The following SYCP1 variants were observed in gnomAD, a reference collection of about 807,000 sequenced individuals.
The protein encoded by SYCP1 is synaptonemal complex protein 1.
In SYCP1, 64 loss-of-function variants were observed where a neutral mutation model predicts 153.1. The ratio of observed to expected loss-of-function variants is 0.42; its 90% CI spans 0.34 to 0.51. SYCP1 has a LOEUF of 0.51. Among genes scored for constraint, SYCP1 ranks in the 20% least tolerant of loss-of-function variants. The pLI is 0.06. For missense variants in SYCP1, 997 were observed against 1,049.0 expected (o/e 0.95, Z 0.68); for synonymous variants, 384 against 341.8 (o/e 1.12, Z -1.36).
At chr1:114,929,455 A>G (rs1570792174) in intron 23 of SYCP1, among the ~76,000 whole-genome samples, 1 of 152,098 alleles carries the variant, frequency 6.6e-6, no homozygotes, top group South Asian at 2.1e-4. Flanking sequence ...ATTACAAGAG[A>G]TACATTGTAT....
At chr1:114,956,994 G>A (rs1218545732) in intron 27 of SYCP1, among the ~76,000 whole-genome samples, 1 of 147,634 alleles carries the variant, frequency 6.8e-6, no homozygotes, top group Non-Finnish European at 1.5e-5. Flanking sequence ...GCCAGAGACT[G>A]ACCCTAAATT....
intron 12 of SYCP1, 30 bp from the exon 13 acceptor site, chr1:114,885,505 G>A (rs374838260): frequency 7.0e-6 from 9 of 1,291,074 alleles, no homozygotes. Flanking sequence ...CTTCTGCTAA[G>A]TACTATCTAT....
At chr1:114,889,999 T>A (rs1273627067) in intron 15 of SYCP1, among the ~76,000 whole-genome samples, 1 of 152,160 alleles carries the variant, frequency 6.6e-6, no homozygotes, top group African/African-American at 2.4e-5. Context: ...AATATTGAAA[T>A]TAAGTGGCTA....
intron 27 of SYCP1, among the ~76,000 whole-genome samples, chr1:114,970,752 A>G (rs916670566): frequency 1.3e-5 from 2 of 152,130 alleles, no homozygotes; most frequent in Non-Finnish European, 2.9e-5. Flanking sequence ...GAAGAGTACT[A>G]TGATGTGATT....
chr1:114,917,511 G>A (rs530885086), intron 20 of SYCP1, among the ~76,000 whole-genome samples: 2 of 152,276 alleles, frequency 1.3e-5, no homozygotes, highest in East Asian at 3.9e-4. Flanking sequence ...ACACAGGAGT[G>A]GGATTGCTGG....
At chr1:114,886,374 A>C (rs1253589257) in intron 14 of SYCP1, 65 bp downstream of exon 14, 9 of 1,351,542 alleles carry the variant, frequency 6.7e-6, no homozygotes, top group Admixed American at 5.6e-5. Flanking sequence ...TTTAATATTC[A>C]ATGCCATTTT....
intron 27 of SYCP1, among the ~76,000 whole-genome samples, chr1:114,961,229 T>A (rs181601341): frequency 6.6e-6 from 1 of 152,210 alleles, no homozygotes; most frequent in Non-Finnish European, 1.5e-5. Context: ...CTTATTTGAA[T>A]CTTCTCTTTT....
chr1:114,929,241 A>G (rs1226518372), intron 23 of SYCP1, among the ~76,000 whole-genome samples: 1 of 152,194 alleles, frequency 6.6e-6, no homozygotes, highest in African/African-American at 2.4e-5. Context: ...AGGAATTGAA[A>G]TGAAGTGGAA....
intron 8 of SYCP1, among the ~76,000 whole-genome samples, chr1:114,864,393 C>T (rs1664588943): frequency 6.6e-6 from 1 of 152,014 alleles, no homozygotes; most frequent in African/African-American, 2.4e-5. Context: ...CTTTTCAGGT[C>T]ACAATAATGA....
intron 30 of SYCP1, among the ~76,000 whole-genome samples, chr1:114,986,765 A>G (rs1276851417): frequency 6.6e-6 from 1 of 152,062 alleles, no homozygotes; most frequent in African/African-American, 2.4e-5. Context: ...CTAGACAAAA[A>G]GTATACTGGC....
At chr1:114,879,702 G>A (rs992273715) in intron 12 of SYCP1, among the ~76,000 whole-genome samples, 2 of 152,128 alleles carry the variant, frequency 1.3e-5, no homozygotes, top group Non-Finnish European at 2.9e-5. Flanking sequence ...ATAAATAACT[G>A]TAATTCTATA....
chr1:114,945,794 A>G (rs893535309), intron 25 of SYCP1, among the ~76,000 whole-genome samples: 4 of 151,662 alleles, frequency 2.6e-5, no homozygotes, highest in Non-Finnish European at 5.9e-5. Flanking sequence ...TAATTTTTTT[A>G]TTATACTTTA....
rs192230926 is a variant in SYCP1 at position 114,926,015 on chromosome 1, T to G, written c.1801-263T>G. 4.6e-5 allele frequency among the ~76,000 whole-genome samples: 7 copies of G among 152,234 alleles called. No homozygotes were observed. In the East Asian group the frequency reaches 1.2e-3, roughly 25 times the overall value. ...GAGGCTGAGTATAGTGGCTCACACCTGTAATCCCAGCACTTTGGGAGGCTG... is the reference window on the plus strand; with the variant it reads ...GAGGCTGAGTATAGTGGCTCACACCGGTAATCCCAGCACTTTGGGAGGCTG... On this transcript the variant is annotated intron_variant, in intron 21 of 31. Transcript: ENST00000369522.
chr1:114,937,326 A>T (rs2101791331), intron 23 of SYCP1, among the ~76,000 whole-genome samples: 1 of 152,334 alleles, frequency 6.6e-6, no homozygotes, highest in Non-Finnish European at 1.5e-5. Flanking sequence ...TGGTGCTTGG[A>T]AAACTGGCTA....
intron 12 of SYCP1, among the ~76,000 whole-genome samples, chr1:114,885,186 TAATC>T (rs1387178487): frequency 6.6e-6 from 1 of 152,168 alleles, no homozygotes; most frequent in African/African-American, 2.4e-5. Context: ...TCCAAATTAA[TAATC>T]AATAAAATTT....
Position 114,855,481 on chromosome 1 carries a change from C to G in SYCP1, c.17C>G (p.Pro6Arg). Residue 6 changes from proline to arginine, a missense_variant, in exon 2 of 32, where the codon CCC becomes CGC. Physicochemically the swap from Pro to Arg is moderately radical, Grantham distance 103. Transcript: ENST00000369522. Reference protein sequence around the residue: MEKQKPFALFVPPRSS... With the variant: MEKQKRFALFVPPRSS... ...ACAGAGAAAATGGAAAAGCAAAAGC[C>G]CTTTGCATTGTTCGTACCACCGAGA... The G allele has an allele frequency of 6.2e-7, 1 of 1,600,434 alleles. No homozygotes were observed. Among genetic ancestry groups the G allele is most frequent in the Non-Finnish European group, 8.5e-7 (1 of 1,173,332 alleles).
chr1:114,973,121 T>A (rs932287258), intron 27 of SYCP1, among the ~76,000 whole-genome samples: 2 of 152,088 alleles, frequency 1.3e-5, no homozygotes, highest in African/African-American at 4.8e-5. Flanking sequence ...TGAAAAGATA[T>A]AAATATGATT....
chr1:114,898,631 T>C (rs1210165965), intron 16 of SYCP1, among the ~76,000 whole-genome samples: 2 of 152,210 alleles, frequency 1.3e-5, no homozygotes, highest in Non-Finnish European at 2.9e-5. Flanking sequence ...TGATAAATTT[T>C]GAAACATAAT....
intron 16 of SYCP1, among the ~76,000 whole-genome samples, chr1:114,898,272 G>A (rs188944037): frequency 6.6e-6 from 1 of 152,318 alleles, no homozygotes; most frequent in Non-Finnish European, 1.5e-5. Context: ...ACAAGGGAGA[G>A]AAAAGGATGT....
Sources: gnomAD v4.1 joint callset for allele counts (sites outside exome capture counted in the v4.1 genomes callset) on GRCh38, gnomAD v4.1.1 for gene constraint, MANE v1.5 for transcripts, NCBI Gene and HGNC (gene_info 2026-07-23, HGNC 2026-07-21) for gene names.